CYB561D2: variants seen among roughly 807,000 people sequenced by gnomAD.
CYB561D2 encodes the protein transmembrane reductase CYB561D2.
CYB561D2 carries 16 observed loss-of-function variants against 20.2 expected under a neutral mutation model. The ratio of observed to expected loss-of-function variants is 0.79; its 90% confidence interval spans 0.53 to 1.20. The LOEUF (loss-of-function observed/expected upper bound fraction) is 1.20. Among genes scored for constraint, CYB561D2 ranks in the 50% most tolerant of loss-of-function variants. CYB561D2 has a pLI of 0.00. For synonymous variants in CYB561D2, 135 were observed against 128.3 expected, an observed-to-expected ratio of 1.05 and a Z score of -0.35; for missense variants, 247 against 270.3, an observed-to-expected ratio of 0.91 and a Z score of 0.60.
At chr3:50,351,835 GA>G (rs1345093297) in intron 2 of CYB561D2, among the ~76,000 whole-genome samples, 173 bp from the exon 3 acceptor site, 1 of 152,250 alleles carries the variant, frequency 6.6e-6, no homozygotes, top group Admixed American at 6.5e-5. Flanking sequence ...GATCCAGGAA[GA>G]GGCCAGGAAG....
chr3:50,353,215 G>A (rs1703811759), intron 3 of CYB561D2, 26 bp from the exon 4 acceptor site: 4 of 1,535,130 alleles, frequency 2.6e-6, no homozygotes, highest in Non-Finnish European at 3.5e-6. Flanking sequence ...ACCCTCACTT[G>A]AGCTTCCCAT....
In CYB561D2 at chr3:50,350,993, CT is replaced by C; in HGVS notation, c.-26+10del. 9 of 1,075,148 alleles carry C rather than the reference CT, an allele frequency of 8.4e-6. No individual in the cohort carries two copies. The highest frequency in any genetic ancestry group is 1.1e-5 in the Non-Finnish European group (9 of 822,604). 66.6% of individuals were successfully genotyped at this position (1,075,148 alleles called of 1,614,324 possible). A position where few individuals can be genotyped will look rare whatever the true frequency, so the allele number is the denominator to read the frequency against. ...CGCTGCGGCAGAGGCAGGCAAGTCCCTAGCGTGGAGGGGCAGCATGCTGGCA... is the reference window on the plus strand; with the variant it reads ...CGCTGCGGCAGAGGCAGGCAAGTCCCAGCGTGGAGGGGCAGCATGCTGGCA... On this transcript the variant is annotated intron_variant, in intron 1 of 3. Coordinates refer to ENST00000425346, the MANE Select transcript of CYB561D2 (RefSeq NM_001291284.2). The surrounding 1 kb of genome is among the most constrained non-coding windows in gnomAD (Gnocchi z 5.7).
Position 50,353,568 on chromosome 3 carries a change from G to A in CYB561D2, c.493G>A (p.Val165Met). The A allele has an allele frequency of 8.7e-6, 14 of 1,613,774 alleles. No individual in the cohort carries two copies. The highest frequency in any genetic ancestry group is 1.2e-5 in the Non-Finnish European group (14 of 1,180,024). Residue 165 changes from valine to methionine, a missense_variant, in exon 4 of 4, where the codon GTG becomes ATG. By Grantham distance (21) the Val-to-Met change is conservative. Transcript: ENST00000425346. Reference protein sequence around the residue: ...LKLYHATSGLVGYLLGSASLL... With the variant: ...LKLYHATSGLMGYLLGSASLL... ...GCTATACCATGCTACTTCTGGGCTG[G>A]TGGGCTACCTGCTGGGTAGTGCCAG... is the stretch of plus-strand genomic sequence containing the variant.
chr3:50,352,336 C>T (rs1294652929), intron 3 of CYB561D2, among the ~76,000 whole-genome samples: 3 of 151,690 alleles, frequency 2.0e-5, no homozygotes, highest in Non-Finnish European at 2.9e-5. Context: ...AAAAATTAGC[C>T]GGGCATGGTG....
rs764073654 is a variant in CYB561D2 at position 50,351,992 on chromosome 3, T to C, written c.128-17T>C. ...CTTCTTGCCTCAGCCCCATGAGGCC[T>C]CCTCTTCTCATTCCAGGCCTGTTCT... is the stretch of plus-strand genomic sequence containing the variant. On this transcript the variant is annotated splice_polypyrimidine_tract_variant and intron_variant, in intron 2 of 3. Transcript: ENST00000425346. 2 of 1,613,942 alleles carry C rather than the reference T, an allele frequency of 1.2e-6. No homozygotes were observed. Among genetic ancestry groups the C allele is most frequent in the South Asian group, 2.2e-5 (2 of 91,076 alleles).
At chr3:50,351,631 C>A in intron 2 of CYB561D2, 71 bp downstream of exon 2, 3 of 1,561,208 alleles carry the variant, frequency 1.9e-6, no homozygotes, top group South Asian at 2.4e-5. Context: ...GGCAGTGGGA[C>A]TTCCGGGAAC....
At chr3:50,352,077 G>A (rs1355779478) in intron 3 of CYB561D2, 31 bp downstream of exon 3, 8 of 1,613,100 alleles carry the variant, frequency 5.0e-6, no homozygotes, top group Non-Finnish European at 6.8e-6. Context: ...GTTCTTAGGG[G>A]TGGGAGCATG....
At chr3:50,352,447 T>C (rs1196905914) in intron 3 of CYB561D2, among the ~76,000 whole-genome samples, 1 of 147,384 alleles carries the variant, frequency 6.8e-6, no homozygotes, top group African/African-American at 2.5e-5. Context: ...GCCACTGCAC[T>C]CTAACCTCTA....
chr3:50,351,432 C>T lies in CYB561D2; in HGVS notation c.-2C>T, dbSNP rs1318638826. The T allele has an allele frequency of 8.1e-6, 13 of 1,613,222 alleles. No individual in the cohort carries two copies. The highest frequency in any genetic ancestry group is 1.6e-4 in the Middle Eastern group (1 of 6,078). ...AGGCTACAACCACTAGCACGGCTGA[C>T]GATGGCCCTTTCTGCGGAGACCGAG... On this transcript the variant is annotated 5_prime_UTR_variant, in exon 2 of 4. In the 5' UTR this introduces an upstream ATG that the reference lacks. Coordinates refer to ENST00000425346, the MANE Select transcript of CYB561D2 (RefSeq NM_001291284.2).
chr3:50,350,981 G>T lies in CYB561D2; in HGVS notation c.-29G>T. ...GCATCAGATCTGCGCTGCGGCAGAG[G>T]CAGGCAAGTCCCTAGCGTGGAGGGG... On this transcript the variant is annotated 5_prime_UTR_variant, in exon 1 of 4. Coordinates refer to ENST00000425346, the MANE Select transcript of CYB561D2 (RefSeq NM_001291284.2). This position sits in a 1 kb window ranked among gnomAD's most constrained non-coding sequence, Gnocchi z 5.7. 1 of 1,163,146 alleles carries T rather than the reference G, an allele frequency of 8.6e-7. No individual in the cohort carries two copies. Among genetic ancestry groups the T allele is most frequent in the Non-Finnish European group, 1.1e-6 (1 of 897,314 alleles). 72.1% of individuals were successfully genotyped at this position (1,163,146 alleles called of 1,614,324 possible).
In CYB561D2 at chr3:50,353,337, G is replaced by T. The variant is rs1703814630; in HGVS notation, c.262G>T (p.Val88Leu). The T allele has an allele frequency of 6.2e-7, 1 of 1,612,954 alleles. No individual in the cohort carries two copies. Among genetic ancestry groups the T allele is most frequent in the Admixed American group, 1.7e-5 (1 of 60,006 alleles). The change falls in exon 4 of 4, where the codon GTG becomes TTG. Residue 88 changes from valine (V) to leucine (L), a missense_variant. Coordinates refer to ENST00000425346, the MANE Select transcript of CYB561D2 (RefSeq NM_001291284.2). Reference sequence around the variant, plus strand: ...GAAAGGCCGAGCACGCTGCCACTGGGTGCTGCAGCTGCTGGCCCTGCTGTG... The same window carrying T: ...GAAAGGCCGAGCACGCTGCCACTGGTTGCTGCAGCTGCTGGCCCTGCTGTG... Reference protein sequence around the residue: ...SRKGRARCHWVLQLLALLCAL... With the variant: ...SRKGRARCHWLLQLLALLCAL...
At position 50,350,901 on chromosome 3, in the gene CYB561D2, C is replaced by T; in HGVS notation, c.-109C>T. ...GAAGTAAAGCGGCTCCGTGACGGAG[C>T]GGCGGTGCGCGCGGCAGGGCCCGGA... On this transcript the variant is annotated 5_prime_UTR_variant, in exon 1 of 4. Coordinates refer to ENST00000425346, the MANE Select transcript of CYB561D2 (RefSeq NM_001291284.2). This position sits in a 1 kb window ranked among gnomAD's most constrained non-coding sequence, Gnocchi z 5.7. 2 of 1,393,630 alleles carry T rather than the reference C, an allele frequency of 1.4e-6. No individual in the cohort carries two copies. The highest frequency in any genetic ancestry group is 1.9e-6 in the Non-Finnish European group (2 of 1,079,078). 86.3% of individuals were successfully genotyped at this position (1,393,630 alleles called of 1,614,324 possible). A position where few individuals can be genotyped will look rare whatever the true frequency, so the allele number is the denominator to read the frequency against.
Position 50,353,303 on chromosome 3 carries a change from C to A in CYB561D2, c.228C>A (p.Ser76=). The A allele has an allele frequency of 6.2e-7, 1 of 1,603,158 alleles. No individual in the cohort carries two copies. Among genetic ancestry groups the A allele is most frequent in the Non-Finnish European group, 8.5e-7 (1 of 1,171,604 alleles). ...CTCCTGAGAGTTCGCTGCTGCACTC[C>A]CTCTCACGGAAAGGCCGAGCACGCT... ...VFSPESSLLH[S]LSRKGRARCH... The change falls in exon 4 of 4, where the codon TCC becomes TCA. Residue 76 remains serine (S), a synonymous_variant. Coordinates refer to ENST00000425346, the MANE Select transcript of CYB561D2 (RefSeq NM_001291284.2).
chr3:50,353,467 C>T lies in CYB561D2; in HGVS notation c.392C>T (p.Ala131Val). 1 of 1,613,274 alleles carries T rather than the reference C, an allele frequency of 6.2e-7. No homozygotes were observed. The highest frequency in any genetic ancestry group is 8.5e-7 in the Non-Finnish European group (1 of 1,179,960). The change falls in exon 4 of 4, where the codon GCA (alanine) becomes GTA (valine). Residue 131 changes from alanine (A) to valine (V), a missense_variant. Coordinates refer to ENST00000425346, the MANE Select transcript of CYB561D2 (RefSeq NM_001291284.2). ...GQAGLLAVLWAGLQCSGGVGL... is the reference protein window; with the variant it reads ...GQAGLLAVLWVGLQCSGGVGL... ...GCAGGGCTGCTGGCTGTGCTGTGGG[C>T]AGGGCTGCAGTGCTCAGGTGGGGTG...
rs1474496328 is a variant in CYB561D2, at chr3:50,351,539, G to T, written c.106G>T (p.Val36Leu). 1 of 1,611,306 alleles carries T rather than the reference G, an allele frequency of 6.2e-7. No homozygotes were observed. The highest frequency in any genetic ancestry group is 1.1e-5 in the South Asian group (1 of 90,638). ...CCTGGGCTTTACCATCTTTGTGGCT[G>T]TGCTTGCCAGGCCTGGCTCCAGTAA... ...VALGFTIFVA[V>L]LARPGSSLFS... Residue 36 changes from valine to leucine, a missense_variant, in exon 2 of 4, where the codon GTG (valine) becomes TTG (leucine). Physicochemically the swap from Val to Leu is conservative, Grantham distance 32 (BLOSUM62 1). Transcript: ENST00000425346.
At chr3:50,352,436 C>T (rs141125802) in intron 3 of CYB561D2, among the ~76,000 whole-genome samples, 38 of 149,648 alleles carry the variant, frequency 2.5e-4, no homozygotes, top group African/African-American at 8.1e-4. Flanking sequence ...GCCAAGATTG[C>T]GCCACTGCAC....
intron 3 of CYB561D2, 59 bp from the exon 4 acceptor site, chr3:50,353,182 C>T: frequency 1.3e-6 from 2 of 1,513,372 alleles, no homozygotes; most frequent in African/African-American, 1.4e-5. Flanking sequence ...ACATAAAGCC[C>T]TCTTCTCCTC....
Position 50,353,648 on chromosome 3 carries a change from C to A in CYB561D2, c.573C>A (p.Ala191=). Residue 191 remains alanine, a synonymous_variant, in exon 4 of 4, where the codon GCC becomes GCA. Transcript: ENST00000425346. ...LWFTASVTGA[A]WYLAVLCPVL... ...TCACTGCCTCTGTCACTGGTGCAGCCTGGTACCTGGCTGTATTATGCCCTG... is the reference window on the plus strand; with the variant it reads ...TCACTGCCTCTGTCACTGGTGCAGCATGGTACCTGGCTGTATTATGCCCTG... 1 of 1,613,642 alleles carries A rather than the reference C, an allele frequency of 6.2e-7. No homozygotes were observed. Among genetic ancestry groups the A allele is most frequent in the Non-Finnish European group, 8.5e-7 (1 of 1,180,042 alleles).
Position 50,353,819 on chromosome 3 carries a change from C to G in CYB561D2, c.*75C>G, listed in dbSNP as rs1442811605. 4 of 1,503,110 alleles carry G rather than the reference C, an allele frequency of 2.7e-6. No individual in the cohort carries two copies. The East Asian group carries it at 9.1e-5, about 34-fold the overall frequency. The allele number at this position is 1,503,110 out of a possible 1,614,324, so 93.1% of individuals were successfully genotyped here. On this transcript the variant is annotated 3_prime_UTR_variant, in exon 4 of 4. Transcript: ENST00000425346. ...TGGGCCTAGGGACCTGTTGAACTCT[C>G]TCAGCTGAGTCAGGGGACACCTCAG...
Sources: gnomAD v4.1 joint callset for allele counts (sites outside exome capture counted in the v4.1 genomes callset) on GRCh38, gnomAD v4.1.1 for gene constraint, Gnocchi (gnomAD v3.1) non-coding constraint, MANE v1.5 for transcripts, NCBI Gene and HGNC (gene_info 2026-07-23, HGNC 2026-07-21) for gene names.